CNTNAP5: variants seen among roughly 807,000 people sequenced by gnomAD.
CNTNAP5 encodes the protein contactin associated protein family member 5, also known as contactin-associated protein-like 5.
In CNTNAP5, 72 loss-of-function variants were observed where a neutral mutation model predicts 150.2. The observed-to-expected ratio is 0.48, with a 90% CI of 0.40 to 0.58. The LOEUF (loss-of-function observed/expected upper bound fraction) is 0.58. CNTNAP5 is among the 20% of genes least tolerant of loss of function. The pLI is 0.00. For synonymous variants in CNTNAP5, 672 were observed against 619.8 expected, an observed-to-expected ratio of 1.08 and a Z score of -1.25; for missense variants, 1,636 against 1,626.2, an observed-to-expected ratio of 1.01 and a Z score of -0.10.
intron 10 of CNTNAP5, among the ~76,000 whole-genome samples, chr2:124,556,142 G>T (rs1261568956): frequency 2.6e-5 from 4 of 152,144 alleles, no homozygotes; most frequent in Non-Finnish European, 5.9e-5. Context: ...AGATGATCTG[G>T]CATTTGTTTG....
At chr2:124,092,113 C>G (rs2104687057) in intron 1 of CNTNAP5, among the ~76,000 whole-genome samples, 1 of 152,250 alleles carries the variant, frequency 6.6e-6, no homozygotes, top group African/African-American at 2.4e-5. Context: ...ACTCTACAAT[C>G]TCTTTCTGGG....
chr2:124,759,155 T>C (rs1297748170), intron 14 of CNTNAP5, among the ~76,000 whole-genome samples: 1 of 151,658 alleles, frequency 6.6e-6, no homozygotes, highest in African/African-American at 2.4e-5. Flanking sequence ...ATTTGAAGAG[T>C]TGGAGAAGAC....
Position 124,887,351 on chromosome 2 carries a change from G to T in CNTNAP5, c.3437-15531G>T, listed in dbSNP as rs143647349. ...GATTAGTAATGCATCACAGGTGGTA[G>T]ACATGTTTTCAATTCAAGGGGGAAA... On this transcript the variant is annotated intron_variant, in intron 21 of 23. Transcript: ENST00000682447. Among the ~76,000 whole-genome samples, 41 of 152,172 alleles carry T rather than the reference G, an allele frequency of 2.7e-4. No homozygotes were observed. In the East Asian group the frequency reaches 7.8e-3, roughly 29 times the overall value.
intron 17 of CNTNAP5, among the ~76,000 whole-genome samples, chr2:124,782,469 G>A (rs1157616574): frequency 2.0e-5 from 3 of 152,212 alleles, no homozygotes; most frequent in Non-Finnish European, 2.9e-5. Flanking sequence ...CAGTAGGAAA[G>A]ATCTAGCTTG....
intron 13 of CNTNAP5, among the ~76,000 whole-genome samples, chr2:124,713,297 CTT>C (rs1233265161): frequency 3.1e-4 from 32 of 102,690 alleles, no homozygotes; most frequent in Non-Finnish European, 3.6e-4. Flanking sequence ...TTCTTTCTTT[CTT>C]TCTTCTTTCT....
chr2:124,210,365 G>T (rs1685974708), intron 1 of CNTNAP5, among the ~76,000 whole-genome samples: 1 of 152,130 alleles, frequency 6.6e-6, no homozygotes, highest in Non-Finnish European at 1.5e-5. Flanking sequence ...AAATTGATTT[G>T]TGAGCTTCCC....
chr2:124,586,334 TAAC>T (rs1352116620), intron 11 of CNTNAP5, among the ~76,000 whole-genome samples: 7 of 152,194 alleles, frequency 4.6e-5, no homozygotes, highest in Non-Finnish European at 2.9e-5. Flanking sequence ...CCATGTAATA[TAAC>T]AACAATGGCA....
chr2:124,762,118 T>C (rs554016575), intron 14 of CNTNAP5, among the ~76,000 whole-genome samples: 163 of 152,244 alleles, frequency 1.1e-3, no homozygotes, highest in African/African-American at 3.8e-3. Flanking sequence ...AATGTGGAGA[T>C]TGAAATTCAT....
chr2:124,542,611 G>A (rs1318515571), intron 10 of CNTNAP5, among the ~76,000 whole-genome samples: 2 of 151,980 alleles, frequency 1.3e-5, no homozygotes, highest in African/African-American at 4.8e-5. Context: ...TCAAAGTCTA[G>A]TTCAAATCCT....
At chr2:124,495,481 C>T (rs1694121250) in intron 7 of CNTNAP5, among the ~76,000 whole-genome samples, 1 of 152,192 alleles carries the variant, frequency 6.6e-6, no homozygotes, top group Non-Finnish European at 1.5e-5. Context: ...TCTAGTAGTT[C>T]CCTGTTTACT....
intron 21 of CNTNAP5, among the ~76,000 whole-genome samples, chr2:124,899,749 T>G (rs920564730): frequency 6.6e-6 from 1 of 151,338 alleles, no homozygotes; most frequent in African/African-American, 2.5e-5. Flanking sequence ...ACATCCATTC[T>G]CTAACACAGC....
At chr2:124,575,305 T>G (rs1399629214) in intron 11 of CNTNAP5, among the ~76,000 whole-genome samples, 7 of 152,264 alleles carry the variant, frequency 4.6e-5, no homozygotes. Flanking sequence ...TAGTTTCTGT[T>G]GTTTCCTAAA....
At chr2:124,626,951 T>G (rs1046337032) in intron 12 of CNTNAP5, among the ~76,000 whole-genome samples, 6 of 152,106 alleles carry the variant, frequency 3.9e-5, no homozygotes, top group African/African-American at 1.4e-4. Flanking sequence ...CTGAGCAGAA[T>G]TCACCACAGT....
chr2:124,843,026 C>A (rs1416538974), intron 19 of CNTNAP5, among the ~76,000 whole-genome samples: 1 of 151,898 alleles, frequency 6.6e-6, no homozygotes, highest in African/African-American at 2.4e-5. Context: ...TACATGGTAC[C>A]CAATATGTAA....
intron 7 of CNTNAP5, among the ~76,000 whole-genome samples, chr2:124,475,600 G>A (rs1693620777): frequency 6.6e-6 from 1 of 151,988 alleles, no homozygotes; most frequent in Non-Finnish European, 1.5e-5. Flanking sequence ...CATTTAGTAT[G>A]CTATGTATTC....
chr2:124,509,552 TTAG>T (rs558257604), intron 8 of CNTNAP5, among the ~76,000 whole-genome samples: 217 of 152,284 alleles, frequency 1.4e-3, no homozygotes, highest in African/African-American at 5.1e-3. Context: ...TATCAGGCGG[TTAG>T]TATACCAACA....
At position 124,666,764 on chromosome 2, in the gene CNTNAP5, C is replaced by T. The variant is rs116002751; in HGVS notation, c.2077+18806C>T. Among the ~76,000 whole-genome samples, 640 of 152,336 alleles carry T rather than the reference C, an allele frequency of 4.2e-3. 2 individuals are homozygous for T. Among genetic ancestry groups the T allele is most frequent in the Middle Eastern group, 6.8e-3 (2 of 294 alleles). On this transcript the variant is annotated intron_variant, in intron 13 of 23. Transcript: ENST00000682447. ...AGCTGGCCAGTGAGGGCCATCACCTCACTCTGCAAGTGCCCATGGCTGCAA... is the reference window on the plus strand; with the variant it reads ...AGCTGGCCAGTGAGGGCCATCACCTTACTCTGCAAGTGCCCATGGCTGCAA...
At position 124,524,450 on chromosome 2, in the gene CNTNAP5, G is replaced by C. The variant is rs1411846239; in HGVS notation, c.1475G>C (p.Gly492Ala). 14 of 1,609,196 alleles carry C rather than the reference G, an allele frequency of 8.7e-6. No homozygotes were observed. In the Admixed American group the frequency reaches 2.4e-4, roughly 27 times the overall value. Residue 492 changes from glycine (G) to alanine (A), a missense_variant and splice_region_variant, in exon 9 of 24, where the codon GGA becomes GCA. Transcript: ENST00000682447. The stretch of plus-strand genomic sequence containing the variant: ...TATTCTGGAAATAGCTACTATTTTG[G>C]AGGTAAATTCTCCAGTCTTTAAGAG... ...QIYSGNSYYFGGCPDNLTDSQ... is the reference protein window; with the variant it reads ...QIYSGNSYYFAGCPDNLTDSQ...
At chr2:124,906,393 A>G (rs1340905618) in intron 22 of CNTNAP5, among the ~76,000 whole-genome samples, 2 of 152,086 alleles carry the variant, frequency 1.3e-5, no homozygotes, top group East Asian at 3.9e-4. Context: ...CCATTTTACT[A>G]TGGTATTGTT....
Sources: allele counts gnomAD v4.1 joint callset (sites outside exome capture counted in the v4.1 genomes callset), GRCh38; gene constraint gnomAD v4.1.1; transcripts MANE v1.5; gene names NCBI Gene and HGNC (gene_info 2026-07-23, HGNC 2026-07-21).